PRAG1: variants seen among roughly 807,000 people sequenced by gnomAD.
PRAG1 encodes inactive tyrosine-protein kinase PRAG1.
A neutral mutation model predicts 95.6 loss-of-function variants in PRAG1; 110 were observed. The observed-to-expected ratio is 1.15, with a 90% CI of 0.99 to 1.35. The LOEUF is 1.35. Ranked by LOEUF, PRAG1 falls within the 40% of genes most tolerant of loss-of-function variation. PRAG1 has a pLI of 0.00. For missense variants in PRAG1, 2,554 were observed against 1,864.7 expected, an observed-to-expected ratio of 1.37 and a Z score of -6.81; for synonymous variants, 1,052 against 819.4, an observed-to-expected ratio of 1.28 and a Z score of -4.85.
At chr8:8,359,140 T>C (rs1371389258) in intron 3 of PRAG1, among the ~76,000 whole-genome samples, 1 of 152,206 alleles carries the variant, frequency 6.6e-6, no homozygotes, top group African/African-American at 2.4e-5. Context: ...ATAAAAAAGG[T>C]AAGCTTGAAG....
chr8:8,347,763 A>T (rs572390583), intron 3 of PRAG1, among the ~76,000 whole-genome samples: 1 of 152,002 alleles, frequency 6.6e-6, no homozygotes, highest in East Asian at 1.9e-4. Flanking sequence ...ACAAACCTGC[A>T]GACCTAGGAG....
intron 5 of PRAG1, 86 bp downstream of exon 5, chr8:8,327,624 G>T: frequency 6.9e-7 from 1 of 1,441,068 alleles, no homozygotes. Flanking sequence ...GCCCAGACAG[G>T]TGAAATGACT....
In PRAG1 at chr8:8,318,844, G is replaced by T. The variant is rs1798373550; in HGVS notation, c.3531C>A (p.Ala1177=). ...GGGCGGCAGAGGAGCAGGGAGGCGC[G>T]GCGGCGGCGGGGGCGGGAGCCGGGG... The part of the protein sequence containing the change: ...APAPAPAPAA[A]APPCSSAAPP... The change falls in exon 6 of 6, where the codon GCC becomes GCA. Residue 1177 remains alanine, a synonymous_variant. Coordinates refer to ENST00000615670, the MANE Select transcript of PRAG1 (RefSeq NM_001080826.3). This position sits in a 1 kb window ranked among gnomAD's most constrained non-coding sequence, Gnocchi z 4.2. 2.4e-6 allele frequency: 3 copies of T among 1,233,632 alleles called. No individual in the cohort carries two copies. The highest frequency in any genetic ancestry group is 3.1e-6 in the Non-Finnish European group (3 of 978,654). 76.4% of individuals were successfully genotyped at this position (1,233,632 alleles called of 1,614,324 possible).
At chr8:8,332,866 C>T (rs187207851) in intron 4 of PRAG1, among the ~76,000 whole-genome samples, 28 of 152,284 alleles carry the variant, frequency 1.8e-4, no homozygotes, top group African/African-American at 6.0e-4. Context: ...ATAAACATGG[C>T]CTTAGGCAAC....
At chr8:8,345,785 ACT>A (rs1469284810) in intron 3 of PRAG1, among the ~76,000 whole-genome samples, 1 of 152,078 alleles carries the variant, frequency 6.6e-6, no homozygotes, top group African/African-American at 2.4e-5. Context: ...ACAGAGCGAG[ACT>A]CTGTCTCAAA....
intron 2 of PRAG1, among the ~76,000 whole-genome samples, chr8:8,380,852 CAAAAAA>C (rs71217290): frequency 0.38 from 23,865 of 63,024 alleles, 2,353 homozygotes; most frequent in East Asian, 0.55. Flanking sequence ...GACTCCATCT[CAAAAAA>C]AAAAAAAAAA....
Position 8,344,598 on chromosome 8 carries a change from G to A in PRAG1, c.2163-4963C>T, listed in dbSNP as rs144717136. Reference sequence around the variant, plus strand: ...AAAAATCTAAAGCAAATGGCAAAATGTTAATATTTGAAAAATCTTAGGGAA... The same window carrying A: ...AAAAATCTAAAGCAAATGGCAAAATATTAATATTTGAAAAATCTTAGGGAA... On this transcript the variant is annotated intron_variant, in intron 3 of 5. Coordinates refer to ENST00000615670, the MANE Select transcript of PRAG1 (RefSeq NM_001080826.3). Among the ~76,000 whole-genome samples the A allele has an allele frequency of 7.8e-3, 1,182 of 152,268 alleles. 15 individuals are homozygous for A. The highest frequency in any genetic ancestry group is 0.027 in the African/African-American group (1,121 of 41,546).
In PRAG1 at chr8:8,358,791, C is replaced by G. The variant is rs1799759878; in HGVS notation, c.2162+17456G>C. 2.0e-5 allele frequency among the ~76,000 whole-genome samples: 3 copies of G among 152,242 alleles called. No homozygotes were observed. The South Asian group carries it at 6.2e-4, about 32-fold the overall frequency. Reference sequence around the variant, plus strand: ...TCCCTATTGCTTTGTCCTACCTCCACTGGCTGGAGCTGGACCTCACAGTCT... The same window carrying G: ...TCCCTATTGCTTTGTCCTACCTCCAGTGGCTGGAGCTGGACCTCACAGTCT... On this transcript the variant is annotated intron_variant, in intron 3 of 5. Transcript: ENST00000615670.
chr8:8,371,495 G>T (rs182298438), intron 3 of PRAG1, among the ~76,000 whole-genome samples: 17 of 152,072 alleles, frequency 1.1e-4, no homozygotes, highest in Non-Finnish European at 2.5e-4. Context: ...TCCTGACCTC[G>T]TGATCCACCC....
chr8:8,339,606 G>C lies in PRAG1; in HGVS notation c.2192C>G (p.Ser731Cys). 6.2e-7 allele frequency: 1 copy of C among 1,613,274 alleles called. No individual in the cohort carries two copies. The highest frequency in any genetic ancestry group is 8.5e-7 in the Non-Finnish European group (1 of 1,179,262). The change falls in exon 4 of 6, where the codon TCT (serine) becomes TGT (cysteine). Residue 731 changes from serine to cysteine, a missense_variant. By Grantham distance (112) the Ser-to-Cys change is moderately radical. Transcript: ENST00000615670. ...RHLLKMNKSS[S>C]DLEKVSQGSA... ...GCCCTGGCTCACTTTTTCCAAATCA[G>C]AGCTGCTCTTGTTCATTTTTAGAAG...
intron 3 of PRAG1, among the ~76,000 whole-genome samples, chr8:8,340,154 G>A (rs1458612072): frequency 6.6e-6 from 1 of 152,194 alleles, no homozygotes; most frequent in Non-Finnish European, 1.5e-5. Context: ...TGGAATTAAG[G>A]AAAACTTTAA....
At position 8,339,777 on chromosome 8, in the gene PRAG1, G is replaced by A. The variant is rs575804100; in HGVS notation, c.2163-142C>T. 3.9e-6 allele frequency: 3 copies of A among 760,928 alleles called. No individual in the cohort carries two copies. In the Admixed American group the frequency reaches 8.8e-5, roughly 22 times the overall value. 47.1% of individuals were successfully genotyped at this position (760,928 alleles called of 1,614,324 possible). A position where few individuals can be genotyped will look rare whatever the true frequency, so the allele number is the denominator to read the frequency against. ...TTAAAAGAAAAAAAAAAGATTTTGG[G>A]GAGACAGTAGAGGTTCTCTTCTGAG... On this transcript the variant is annotated intron_variant, in intron 3 of 5. Transcript: ENST00000615670.
chr8:8,337,173 C>T (rs1400496518), intron 4 of PRAG1, among the ~76,000 whole-genome samples: 2 of 152,184 alleles, frequency 1.3e-5, no homozygotes, highest in Non-Finnish European at 2.9e-5. Flanking sequence ...GAAAGGCAGA[C>T]ACTACATTCA....
intron 1 of PRAG1, among the ~76,000 whole-genome samples, chr8:8,384,608 C>CAAAAAAAAA (rs11400182): frequency 1.1e-5 from 1 of 92,464 alleles, no homozygotes. Flanking sequence ...CGCATGCAGC[C>CAAAAAAAAA]AAAAAAAAAA....
intron 4 of PRAG1, among the ~76,000 whole-genome samples, chr8:8,335,632 T>A (rs1235637246): frequency 6.6e-6 from 1 of 152,228 alleles, no homozygotes; most frequent in African/African-American, 2.4e-5. Flanking sequence ...AAGTTGAAGC[T>A]TCACTTCAGT....
intron 3 of PRAG1, among the ~76,000 whole-genome samples, chr8:8,357,260 G>A (rs1324838271): frequency 6.6e-6 from 1 of 152,124 alleles, no homozygotes; most frequent in African/African-American, 2.4e-5. Context: ...CATGGATTGG[G>A]AGAATATATT....
chr8:8,347,107 T>A (rs1032421678), intron 3 of PRAG1, among the ~76,000 whole-genome samples: 31 of 152,212 alleles, frequency 2.0e-4, no homozygotes, highest in Admixed American at 1.2e-3. Context: ...AAAGACTGGT[T>A]TTAAACTCAA....
rs762560262 is a variant in PRAG1, at chr8:8,377,867, C to A, written c.542G>T (p.Ser181Ile). 1.9e-6 allele frequency: 3 copies of A among 1,614,042 alleles called. No homozygotes were observed. Among genetic ancestry groups the A allele is most frequent in the Non-Finnish European group, 2.5e-6 (3 of 1,180,040 alleles). The change falls in exon 3 of 6, where the codon AGC (serine) becomes ATC (isoleucine). Residue 181 changes from serine (S) to isoleucine (I), a missense_variant. By Grantham distance (142) the Ser-to-Ile change is moderately radical (BLOSUM62 -2). Coordinates refer to ENST00000615670, the MANE Select transcript of PRAG1 (RefSeq NM_001080826.3). ...GTGCACAGCCTTCTCCTCCGGGAAG[C>A]TCACCGGGTGGAAGGCAATGTTCCT... is the stretch of plus-strand genomic sequence containing the variant. ...GERNIAFHPV[S>I]FPEEKAVHKE...
chr8:8,318,523 C>A lies in PRAG1; in HGVS notation c.3852G>T (p.Gln1284His). ...GCGCGGGCAGCGGCGGCAGGTCCTC[C>A]TGCCGGTAGTCTCTCTCCCGCAGCT... Reference protein sequence around the residue: ...RAQLRERDYRQEDLPPLPALS... With the variant: ...RAQLRERDYRHEDLPPLPALS... Residue 1284 changes from glutamine (Q) to histidine (H), a missense_variant, in exon 6 of 6, where the codon CAG becomes CAT. Gln to His is a conservative substitution (Grantham distance 24). Coordinates refer to ENST00000615670, the MANE Select transcript of PRAG1 (RefSeq NM_001080826.3). The surrounding 1 kb of genome is among the most constrained non-coding windows in gnomAD (Gnocchi z 4.2). The A allele has an allele frequency of 6.2e-7, 1 of 1,612,776 alleles. No individual in the cohort carries two copies. The highest frequency in any genetic ancestry group is 1.1e-5 in the South Asian group (1 of 91,070).
Sources: allele counts gnomAD v4.1 joint callset (sites outside exome capture counted in the v4.1 genomes callset), GRCh38; gene constraint gnomAD v4.1.1; non-coding constraint Gnocchi (gnomAD v3.1); transcripts MANE v1.5; gene names NCBI Gene and HGNC (gene_info 2026-07-23, HGNC 2026-07-21).